PAX7: variants seen among roughly 807,000 people sequenced by gnomAD.
PAX7 encodes the protein paired box 7.
A neutral mutation model predicts 50.7 loss-of-function variants in PAX7; 18 were observed. The observed-to-expected ratio is 0.36, with a 90% CI of 0.25 to 0.53. The LOEUF (loss-of-function observed/expected upper bound fraction) is 0.53, where lower values mean the gene tolerates loss of function less well. Among genes scored for constraint, PAX7 ranks in the 20% least tolerant of loss-of-function variants. The pLI, the probability that PAX7 is intolerant of heterozygous loss-of-function variation, is 0.93. For synonymous variants in PAX7, 310 were observed against 290.4 expected, an observed-to-expected ratio of 1.07 and a Z score of -0.69; for missense variants, 644 against 702.9, an observed-to-expected ratio of 0.92 and a Z score of 0.95.
At chr1:18,724,490 G>A (rs78437740) in intron 7 of PAX7, among the ~76,000 whole-genome samples, 1 of 152,208 alleles carries the variant, frequency 6.6e-6, no homozygotes, top group East Asian at 1.9e-4. Context: ...GTAACTTCGA[G>A]GGACAGCACT....
chr1:18,707,370 A>G (rs2089295963), intron 7 of PAX7, among the ~76,000 whole-genome samples: 1 of 148,872 alleles, frequency 6.7e-6, no homozygotes, highest in South Asian at 2.1e-4. Flanking sequence ...CCATGTCTTT[A>G]GAGCCTGAAA....
intron 4 of PAX7, among the ~76,000 whole-genome samples, chr1:18,660,651 A>G (rs2088587266): frequency 6.6e-6 from 1 of 152,158 alleles, no homozygotes. Flanking sequence ...AAAAGCCCCT[A>G]CTAGCCCCAG....
At chr1:18,679,750 C>T (rs369893655) in intron 4 of PAX7, among the ~76,000 whole-genome samples, 2 of 152,160 alleles carry the variant, frequency 1.3e-5, no homozygotes, top group South Asian at 2.1e-4. Flanking sequence ...AAGCCTCCAC[C>T]GTGGAAGAAT....
intron 4 of PAX7, among the ~76,000 whole-genome samples, chr1:18,653,652 C>T (rs2088468952): frequency 6.6e-6 from 1 of 152,028 alleles, no homozygotes; most frequent in South Asian, 2.1e-4. Context: ...GTCAGTTCCA[C>T]CATGTCCAGG....
chr1:18,689,851 T>G (rs1303168924), intron 4 of PAX7, among the ~76,000 whole-genome samples: 1 of 152,226 alleles, frequency 6.6e-6, no homozygotes, highest in Non-Finnish European at 1.5e-5. Context: ...TGTAAGGCAG[T>G]ACTAGTTTCT....
At chr1:18,635,340 G>A in intron 3 of PAX7, 100 bp downstream of exon 3, 1 of 1,388,606 alleles carries the variant, frequency 7.2e-7, no homozygotes, top group Non-Finnish European at 9.8e-7. Flanking sequence ...GATGATGGCT[G>A]ACTGTGAACT....
intron 8 of PAX7, among the ~76,000 whole-genome samples, chr1:18,737,934 A>G (rs1930881141): frequency 1.3e-5 from 2 of 152,248 alleles, no homozygotes; most frequent in Non-Finnish European, 2.9e-5. Flanking sequence ...ACATGTGTAT[A>G]GCCATGCATT....
intron 4 of PAX7, among the ~76,000 whole-genome samples, chr1:18,677,584 T>C (rs1343284472): frequency 6.6e-6 from 1 of 152,112 alleles, no homozygotes; most frequent in Non-Finnish European, 1.5e-5. Context: ...CTGGGAGGCC[T>C]ATTTGAAGGA....
chr1:18,737,535 G>A (rs1171687254), intron 8 of PAX7, among the ~76,000 whole-genome samples: 3 of 152,228 alleles, frequency 2.0e-5, no homozygotes, highest in East Asian at 1.9e-4. Context: ...TACAATTCTT[G>A]TGTGTGTGTG....
At chr1:18,641,058 T>C (rs1269593024) in intron 4 of PAX7, among the ~76,000 whole-genome samples, 1 of 152,196 alleles carries the variant, frequency 6.6e-6, no homozygotes, top group Non-Finnish European at 1.5e-5. Context: ...AGATAACTAT[T>C]ACAAAGGCAA....
intron 4 of PAX7, among the ~76,000 whole-genome samples, chr1:18,641,454 T>C (rs543199765): frequency 6.6e-6 from 1 of 151,976 alleles, no homozygotes; most frequent in East Asian, 1.9e-4. Context: ...GGTTCCCGGA[T>C]TGAGTGAGGT....
At chr1:18,708,201 A>G (rs1470108790) in intron 7 of PAX7, among the ~76,000 whole-genome samples, 1 of 152,070 alleles carries the variant, frequency 6.6e-6, no homozygotes, top group East Asian at 1.9e-4. Flanking sequence ...CGCAACCCCC[A>G]GCCCACTCTC....
chr1:18,725,400 C>T (rs930391567), intron 7 of PAX7, among the ~76,000 whole-genome samples: 1 of 151,804 alleles, frequency 6.6e-6, no homozygotes, highest in African/African-American at 2.4e-5. Flanking sequence ...GTCAAGGAGG[C>T]CCTCCTCCCT....
intron 8 of PAX7, among the ~76,000 whole-genome samples, chr1:18,741,543 T>G (rs901353037): frequency 6.6e-6 from 1 of 152,106 alleles, no homozygotes; most frequent in Non-Finnish European, 1.5e-5. Context: ...TCATTACACA[T>G]TCTATGCACG....
At chr1:18,738,112 T>A (rs1930904903) in intron 8 of PAX7, among the ~76,000 whole-genome samples, 1 of 152,054 alleles carries the variant, frequency 6.6e-6, no homozygotes, top group Non-Finnish European at 1.5e-5. Context: ...TACATCTGGG[T>A]GTAGACATAC....
intron 7 of PAX7, among the ~76,000 whole-genome samples, chr1:18,725,308 C>CCA (rs1245846655): frequency 3.6e-5 from 2 of 55,450 alleles, no homozygotes; most frequent in Admixed American, 1.3e-4. Context: ...AGACGCCCCC[C>CCA]CCCCGCCCCA....
intron 7 of PAX7, among the ~76,000 whole-genome samples, chr1:18,708,062 G>A (rs1424064111): frequency 6.6e-6 from 1 of 151,958 alleles, no homozygotes; most frequent in East Asian, 1.9e-4. Flanking sequence ...TTAGGGATTA[G>A]GCACTCAGCA....
At chr1:18,737,413 G>A (rs1002235811) in intron 8 of PAX7, among the ~76,000 whole-genome samples, 1 of 152,204 alleles carries the variant, frequency 6.6e-6, no homozygotes, top group Non-Finnish European at 1.5e-5. Flanking sequence ...CAGCTATGTC[G>A]GCCTCCACCT....
At chr1:18,717,032 G>A (rs1263606981) in intron 7 of PAX7, among the ~76,000 whole-genome samples, 2 of 149,780 alleles carry the variant, frequency 1.3e-5, no homozygotes. Flanking sequence ...GCCCCTCCCC[G>A]CGCTCCGCCG....
Sources: gnomAD v4.1 joint callset for allele counts (sites outside exome capture counted in the v4.1 genomes callset) on GRCh38, gnomAD v4.1.1 for gene constraint, MANE v1.5 for transcripts, NCBI Gene and HGNC (gene_info 2026-07-23, HGNC 2026-07-21) for gene names.